Variants in MRPL28 observed in about 807,000 individuals in gnomAD.
The protein encoded by MRPL28 is mitochondrial ribosomal protein L28.
MRPL28 carries 25 observed loss-of-function variants against 26.2 expected under a neutral mutation model. The ratio of observed to expected loss-of-function variants is 0.95; its 90% confidence interval spans 0.69 to 1.33. The LOEUF (loss-of-function observed/expected upper bound fraction) is 1.33. Among genes scored for constraint, MRPL28 ranks in the 40% most tolerant of loss-of-function variants. The pLI is 0.00. For synonymous variants in MRPL28, 227 were observed against 140.1 expected (o/e 1.62, Z -4.38); for missense variants, 432 against 327.2 (o/e 1.32, Z -2.47).
At position 368,624 on chromosome 16, in the gene MRPL28, C is replaced by G. The variant is rs749695203; in HGVS notation, c.453G>C (p.Glu151Asp). Residue 151 changes from glutamate (E) to aspartate (D), a missense_variant, in exon 4 of 6, where the codon GAG becomes GAC. Physicochemically the swap from Glu to Asp is conservative, Grantham distance 45 (BLOSUM62 2). Transcript: ENST00000199706. ...LDFYILKTPK[E>D]DLCSKFGMDL... ...CCATCCCAAACTTGGAGCACAGGTC[C>G]TCCTTCGGGGTCTGGCAGAAGGCTC... is the stretch of plus-strand genomic sequence containing the variant. 4 of 1,565,118 alleles carry G rather than the reference C, an allele frequency of 2.6e-6. No individual in the cohort carries two copies. The South Asian group carries it at 4.7e-5, about 19-fold the overall frequency.
chr16:368,620 G>A lies in MRPL28; in HGVS notation c.457C>T (p.Leu153=). The change falls in exon 4 of 6, where the codon CTG becomes TTG. Residue 153 remains leucine (L), a synonymous_variant. Coordinates refer to ENST00000199706, the MANE Select transcript of MRPL28 (RefSeq NM_006428.5). ...AGGTCCATCCCAAACTTGGAGCACA[G>A]GTCCTCCTTCGGGGTCTGGCAGAAG... ...FYILKTPKED[L]CSKFGMDLKR... 3 of 1,569,248 alleles carry A rather than the reference G, an allele frequency of 1.9e-6. No individual in the cohort carries two copies. Among genetic ancestry groups the A allele is most frequent in the African/African-American group, 1.4e-5 (1 of 73,876 alleles).
chr16:369,546 CT>C, intron 2 of MRPL28: 1 of 697,660 alleles, frequency 1.4e-6, no homozygotes, highest in Non-Finnish European at 2.6e-6. Flanking sequence ...TGACACAAGT[CT>C]CCCCACAGGC....
Position 368,622 on chromosome 16 carries a change from T to C in MRPL28, c.455A>G (p.Asp152Gly). ...GTCCATCCCAAACTTGGAGCACAGG[T>C]CCTCCTTCGGGGTCTGGCAGAAGGC... is the stretch of plus-strand genomic sequence containing the variant. ...DFYILKTPKEDLCSKFGMDLK... is the reference protein window; with the variant it reads ...DFYILKTPKEGLCSKFGMDLK... Residue 152 changes from aspartate (D) to glycine (G), a missense_variant, in exon 4 of 6, where the codon GAC becomes GGC. Transcript: ENST00000199706. 6.4e-7 allele frequency: 1 copy of C among 1,566,798 alleles called. No homozygotes were observed.
In MRPL28 at chr16:367,159, C is replaced by T. The variant is rs183343358; in HGVS notation, c.*516G>A. 6.6e-6 allele frequency among the ~76,000 whole-genome samples: 1 copy of T among 152,106 alleles called. No individual in the cohort carries two copies. The highest frequency in any genetic ancestry group is 1.5e-5 in the Non-Finnish European group (1 of 68,018). On this transcript the variant is annotated 3_prime_UTR_variant, in exon 6 of 6. Transcript: ENST00000199706. ...GGTGGAGGTTGTAGTGAGTCCAGATCGTGCCACTGCACTCCAGCCTGGGTG... is the reference window on the plus strand; with the variant it reads ...GGTGGAGGTTGTAGTGAGTCCAGATTGTGCCACTGCACTCCAGCCTGGGTG...
In MRPL28 at chr16:368,631, G is replaced by A. The variant is rs771635183; in HGVS notation, c.446C>T (p.Pro149Leu). The A allele has an allele frequency of 3.9e-6, 6 of 1,552,762 alleles. No homozygotes were observed. Among genetic ancestry groups the A allele is most frequent in the East Asian group, 2.3e-5 (1 of 44,166 alleles). ...AAACTTGGAGCACAGGTCCTCCTTC[G>A]GGGTCTGGCAGAAGGCTCACATGGG... ...YGLDFYILKT[P>L]KEDLCSKFGM... Residue 149 changes from proline (P) to leucine (L), a missense_variant, in exon 4 of 6, where the codon CCG becomes CTG. Coordinates refer to ENST00000199706, the MANE Select transcript of MRPL28 (RefSeq NM_006428.5).
In MRPL28 at chr16:368,529, C is replaced by T. The variant is rs375830223; in HGVS notation, c.548G>A (p.Arg183Gln). The change falls in exon 4 of 6, where the codon CGG becomes CAG. Residue 183 changes from arginine to glutamine, a missense_variant. Transcript: ENST00000199706. ...DPQLHPEDPE[R>Q]RAAIYDKYKE... ...GTACTTGTCGTAGATGGCTGCCCGCCGCTCGGGGTCCTCGGGGTGCAGCTG... is the reference window on the plus strand; with the variant it reads ...GTACTTGTCGTAGATGGCTGCCCGCTGCTCGGGGTCCTCGGGGTGCAGCTG... 4.8e-5 allele frequency: 77 copies of T among 1,594,650 alleles called. No homozygotes were observed. The African/African-American group carries it at 6.3e-4, about 13-fold the overall frequency.
At chr16:368,214 C>A in intron 5 of MRPL28, 114 bp downstream of exon 5, 4 of 1,279,306 alleles carry the variant, frequency 3.1e-6, no homozygotes, top group Non-Finnish European at 4.5e-6. Flanking sequence ...AGCTCTTCCC[C>A]AAGCCCACCC....
Position 370,016 on chromosome 16 carries a change from G to A in MRPL28, c.203C>T (p.Pro68Leu), listed in dbSNP as rs773865519. The A allele has an allele frequency of 6.2e-7, 1 of 1,613,304 alleles. No individual in the cohort carries two copies. The highest frequency in any genetic ancestry group is 1.1e-5 in the South Asian group (1 of 91,088). ...QRERVEDVPIPIYFPPESQRG... is the reference protein window; with the variant it reads ...QRERVEDVPILIYFPPESQRG... ...CTGGGATTCGGGGGGAAAGTAGATG[G>A]GAATGGGCACGTCCTCCACACGCTC... Residue 68 changes from proline to leucine, a missense_variant, in exon 2 of 6, where the codon CCC becomes CTC. Coordinates refer to ENST00000199706, the MANE Select transcript of MRPL28 (RefSeq NM_006428.5).
At position 367,501 on chromosome 16, in the gene MRPL28, G is replaced by T; in HGVS notation, c.*174C>A. On this transcript the variant is annotated 3_prime_UTR_variant, in exon 6 of 6. Coordinates refer to ENST00000199706, the MANE Select transcript of MRPL28 (RefSeq NM_006428.5). ...AGCCTCTGGGCGGCCCAGGCCTCCTGGGGATCCCTGCCAAGCTGGCCCCGG... is the reference window on the plus strand; with the variant it reads ...AGCCTCTGGGCGGCCCAGGCCTCCTTGGGATCCCTGCCAAGCTGGCCCCGG... The T allele has an allele frequency of 1.4e-6, 1 of 729,944 alleles. No homozygotes were observed. The highest frequency in any genetic ancestry group is 2.5e-6 in the Non-Finnish European group (1 of 400,420). 45.2% of individuals were successfully genotyped at this position (729,944 alleles called of 1,614,324 possible). A position where few individuals can be genotyped will look rare whatever the true frequency, so the allele number is the denominator to read the frequency against.
rs11557302 is a variant in MRPL28, at chr16:368,597, G to C, written c.480C>G (p.Asp160Glu). 42,985 of 1,591,082 alleles carry C rather than the reference G, an allele frequency of 0.027. 666 individuals carry two copies. The highest frequency in any genetic ancestry group is 0.04 in the Middle Eastern group (240 of 5,958). Residue 160 changes from aspartate to glutamate, a missense_variant, in exon 4 of 6, where the codon GAC (aspartate) becomes GAG (glutamate). Transcript: ENST00000199706. ...KEDLCSKFGM[D>E]LKRGMLLRLA... The stretch of plus-strand genomic sequence containing the variant: ...GCCGCAGCAGCATCCCTCGCTTCAG[G>C]TCCATCCCAAACTTGGAGCACAGGT...
chr16:368,936 C>T, intron 3 of MRPL28, 132 bp downstream of exon 3: 1 of 1,200,600 alleles, frequency 8.3e-7, no homozygotes, highest in Non-Finnish European at 1.2e-6. Flanking sequence ...GGCATGGCCC[C>T]ACTCACGCTT....
At position 367,703 on chromosome 16, in the gene MRPL28, A is replaced by G. The variant is rs113098262; in HGVS notation, c.743T>C (p.Val248Ala). The change falls in exon 6 of 6, where the codon GTG (valine) becomes GCG (alanine). Residue 248 changes from valine (V) to alanine (A), a missense_variant. Val to Ala is a moderately conservative substitution (Grantham distance 64). Coordinates refer to ENST00000199706, the MANE Select transcript of MRPL28 (RefSeq NM_006428.5). ...CTGGCCACTGGCTCTCTTCTGCACCACCGCCGGCTCTGACAGTGCCTGCTG... is the reference window on the plus strand; with the variant it reads ...CTGGCCACTGGCTCTCTTCTGCACCGCCGCCGGCTCTGACAGTGCCTGCTG... ...LQQQALSEPAVVQKRASGQ is the reference protein window; with the variant it reads ...LQQQALSEPAAVQKRASGQ The G allele has an allele frequency of 6.2e-7, 1 of 1,613,642 alleles. No individual in the cohort carries two copies.
chr16:368,380 A>T lies in MRPL28; in HGVS notation c.611T>A (p.Val204Glu), dbSNP rs1220146361. Reference sequence around the variant, plus strand: ...AATGGCCTCCTCCAGCGTGAGGCCCACCCACTCTGCCTCCTCCTCTGGGAT... The same window carrying T: ...AATGGCCTCCTCCAGCGTGAGGCCCTCCCACTCTGCCTCCTCCTCTGGGAT... ...FAIPEEEAEW[V>E]GLTLEEAIEK... The change falls in exon 5 of 6, where the codon GTG (valine) becomes GAG (glutamate). Residue 204 changes from valine (V) to glutamate (E), a missense_variant. Physicochemically the swap from Val to Glu is moderately radical, Grantham distance 121. Coordinates refer to ENST00000199706, the MANE Select transcript of MRPL28 (RefSeq NM_006428.5). The T allele has an allele frequency of 3.1e-6, 5 of 1,613,614 alleles. No individual in the cohort carries two copies. The highest frequency in any genetic ancestry group is 1.3e-5 in the African/African-American group (1 of 74,888).
In MRPL28 at chr16:368,613, G is replaced by A; in HGVS notation, c.464C>T (p.Ser155Phe). 3 of 1,577,374 alleles carry A rather than the reference G, an allele frequency of 1.9e-6. No homozygotes were observed. In the South Asian group the frequency reaches 3.5e-5, roughly 18 times the overall value. ...TCGCTTCAGGTCCATCCCAAACTTG[G>A]AGCACAGGTCCTCCTTCGGGGTCTG... ...ILKTPKEDLC[S>F]KFGMDLKRGM... is the part of the protein sequence containing the mutation. Residue 155 changes from serine to phenylalanine, a missense_variant, in exon 4 of 6, where the codon TCC becomes TTC. Coordinates refer to ENST00000199706, the MANE Select transcript of MRPL28 (RefSeq NM_006428.5).
At position 367,246 on chromosome 16, in the gene MRPL28, C is replaced by A; in HGVS notation, c.*429G>T. ...AAAAAACACAAAACACAGAATTGAA[C>A]CTCGCTCTCTGCAGCTCACCGGGGG... is the stretch of plus-strand genomic sequence containing the variant. On this transcript the variant is annotated 3_prime_UTR_variant, in exon 6 of 6. Coordinates refer to ENST00000199706, the MANE Select transcript of MRPL28 (RefSeq NM_006428.5). The A allele has an allele frequency of 1.8e-6, 1 of 557,606 alleles. No individual in the cohort carries two copies. Among genetic ancestry groups the A allele is most frequent in the Non-Finnish European group, 3.3e-6 (1 of 304,982 alleles). The allele number at this position is 557,606 out of a possible 1,614,324, so 34.5% of individuals were successfully genotyped here. A position where few individuals can be genotyped will look rare whatever the true frequency, so the allele number is the denominator to read the frequency against.
At chr16:369,367 C>CCCCCAGCCCAGTGCCG (rs2054295238) in intron 2 of MRPL28, 147 bp from the exon 3 acceptor site, 1 of 1,067,348 alleles carries the variant, frequency 9.4e-7, no homozygotes, top group African/African-American at 1.6e-5. Context: ...ACTGGGCCGG[C>CCCCCAGCCCAGTGCCG]CCCCAGCCCA....
intron 3 of MRPL28, 170 bp downstream of exon 3, chr16:368,895 CAGG>C: frequency 9.7e-7 from 1 of 1,035,762 alleles, no homozygotes. Context: ...CTCCTGAAGG[CAGG>C]AAACCCCACT....
rs3830160 is a variant in MRPL28, at chr16:369,092, A to G, written c.417T>C (p.Tyr139=). The change falls in exon 3 of 6, where the codon TAT becomes TAC. Residue 139 remains tyrosine (Y), a synonymous_variant. Transcript: ENST00000199706. ...CCTTGAGGATGTAAAAGTCGAGCCCATAAGCCTCATCGATGAGGTCCAGGG... is the reference window on the plus strand; with the variant it reads ...CCTTGAGGATGTAAAAGTCGAGCCCGTAAGCCTCATCGATGAGGTCCAGGG... The part of the protein sequence containing the change: ...MRTLDLIDEA[Y]GLDFYILKTP... The G allele has an allele frequency of 0.61, 978,386 of 1,613,530 alleles. 300,820 individuals carry two copies. Among genetic ancestry groups the G allele is most frequent in the African/African-American group, 0.87 (64,895 of 75,004 alleles).
At chr16:370,252 A>G (rs1166558347) in intron 1 of MRPL28, 27 bp from the exon 2 acceptor site, 2 of 1,451,174 alleles carry the variant, frequency 1.4e-6, no homozygotes, top group African/African-American at 1.5e-5. Context: ...GCTCGCAGTC[A>G]GTCGCAGCCT....
Sources: gnomAD v4.1 joint callset for allele counts (sites outside exome capture counted in the v4.1 genomes callset) on GRCh38, gnomAD v4.1.1 for gene constraint, MANE v1.5 for transcripts, NCBI Gene and HGNC (gene_info 2026-07-23, HGNC 2026-07-21) for gene names.